The following TTLL11 variants were observed in gnomAD, a reference collection of about 807,000 sequenced individuals.
TTLL11 encodes the protein tubulin tyrosine ligase like 11.
In TTLL11, 42 loss-of-function variants were observed where a neutral mutation model predicts 51.7. That is an observed-to-expected ratio of 0.81 (90% CI 0.64 to 1.05). The LOEUF is 1.05. TTLL11 is among the 50% of genes least tolerant of loss of function. TTLL11 has a pLI of 0.00. For missense variants in TTLL11, 799 were observed against 940.4 expected (o/e 0.85, Z 1.97); for synonymous variants, 381 against 383.5 (o/e 0.99, Z 0.08).
At chr9:121,851,551 T>C (rs1344919678) in intron 8 of TTLL11, among the ~76,000 whole-genome samples, 2 of 152,252 alleles carry the variant, frequency 1.3e-5, no homozygotes, top group African/African-American at 4.8e-5. Context: ...TTGATAAATG[T>C]AGCTGGTGTT....
intron 6 of TTLL11, among the ~76,000 whole-genome samples, chr9:121,880,271 C>T (rs567709186): frequency 9.9e-5 from 15 of 152,272 alleles, no homozygotes; most frequent in African/African-American, 2.9e-4. Context: ...GCACGGTGAA[C>T]AAGGTCCCCA....
chr9:122,011,972 C>A (rs2131750496), intron 3 of TTLL11, among the ~76,000 whole-genome samples: 1 of 152,222 alleles, frequency 6.6e-6, no homozygotes, highest in Admixed American at 6.5e-5. Flanking sequence ...GGGGAAAGGA[C>A]AAGAGAATCC....
chr9:122,052,234 G>C (rs1845180705), intron 1 of TTLL11, among the ~76,000 whole-genome samples: 1 of 152,194 alleles, frequency 6.6e-6, no homozygotes, highest in Admixed American at 6.5e-5. Context: ...GAACAGCACT[G>C]CTCCCCAGAC....
chr9:121,979,980 G>A (rs1842794103), intron 4 of TTLL11, among the ~76,000 whole-genome samples: 1 of 150,412 alleles, frequency 6.6e-6, no homozygotes, highest in South Asian at 2.1e-4. Context: ...TTATTTACTG[G>A]GCACTACTAG....
chr9:122,052,266 C>A (rs1845181653), intron 1 of TTLL11, among the ~76,000 whole-genome samples: 1 of 152,186 alleles, frequency 6.6e-6, no homozygotes. Flanking sequence ...TCCACCCCAA[C>A]TGAGGGGCTC....
rs547166813 is a variant in TTLL11 at position 122,089,956 on chromosome 9, T to C, written c.462+2731A>G. 5.3e-5 allele frequency among the ~76,000 whole-genome samples: 8 copies of C among 152,246 alleles called. No individual in the cohort carries two copies. In the South Asian group the frequency reaches 1.7e-3, roughly 32 times the overall value. ...GGCATGAGCCACCACATTCAGTGAATTATGTTTTAAAATATACTAGAATAA... is the reference window on the plus strand; with the variant it reads ...GGCATGAGCCACCACATTCAGTGAACTATGTTTTAAAATATACTAGAATAA... On this transcript the variant is annotated intron_variant, in intron 1 of 8. Transcript: ENST00000321582.
In TTLL11 at chr9:121,989,883, G is replaced by A. The variant is rs115796331; in HGVS notation, c.694-113C>T. 1.5e-3 allele frequency: 2,289 copies of A among 1,501,358 alleles called. 33 individuals carry two copies. In the African/African-American group the frequency reaches 0.029, roughly 19 times the overall value. 93.0% of individuals were successfully genotyped at this position (1,501,358 alleles called of 1,614,324 possible). On this transcript the variant is annotated intron_variant, in intron 3 of 8. Coordinates refer to ENST00000321582, the MANE Select transcript of TTLL11 (RefSeq NM_001139442.2). This position sits in a 1 kb window ranked among gnomAD's most constrained non-coding sequence, Gnocchi z 4.2. ...AATGAGTGACAAGATGATCCCTGCCGATCTGAGCAGGGGCTGAGCATCTTC... is the reference window on the plus strand; with the variant it reads ...AATGAGTGACAAGATGATCCCTGCCAATCTGAGCAGGGGCTGAGCATCTTC...
chr9:122,023,126 A>G (rs1274181440), intron 3 of TTLL11, among the ~76,000 whole-genome samples: 1 of 152,052 alleles, frequency 6.6e-6, no homozygotes, highest in Non-Finnish European at 1.5e-5. Context: ...ACTAAGAGGT[A>G]TCATTAGTAA....
chr9:121,926,931 TG>T lies in TTLL11; in HGVS notation c.1481+47077del, dbSNP rs1840758468. On this transcript the variant is annotated intron_variant, in intron 6 of 8. Transcript: ENST00000321582. ...GTTCTGACAAGGATCCTCTTGCAAA[TG>T]CAGACAGCCGACTTCTCATGAGAGC... Among the ~76,000 whole-genome samples the T allele has an allele frequency of 2.0e-5, 3 of 152,100 alleles. No individual in the cohort carries two copies. The South Asian group carries it at 6.2e-4, about 32-fold the overall frequency.
At chr9:121,906,339 A>ACTT (rs10661179) in intron 6 of TTLL11, among the ~76,000 whole-genome samples, 80,591 of 142,740 alleles carry the variant, frequency 0.56, 25,364 homozygotes, top group East Asian at 0.72. Flanking sequence ...TTATGTAATA[A>ACTT]TTTTTAAAAA....
At chr9:122,005,959 A>G (rs1479799598) in intron 3 of TTLL11, among the ~76,000 whole-genome samples, 2 of 152,234 alleles carry the variant, frequency 1.3e-5, no homozygotes, top group African/African-American at 4.8e-5. Flanking sequence ...TAACATGAAG[A>G]CAGCCTAGAC....
intron 6 of TTLL11, among the ~76,000 whole-genome samples, chr9:121,911,206 G>A (rs970914877): frequency 6.6e-6 from 1 of 152,116 alleles, no homozygotes; most frequent in African/African-American, 2.4e-5. Flanking sequence ...GACCAGCCTG[G>A]CCAACACAGC....
chr9:121,823,790 T>G (rs578260476), intron 8 of TTLL11, among the ~76,000 whole-genome samples: 4 of 152,330 alleles, frequency 2.6e-5, no homozygotes, highest in Admixed American at 6.5e-5. Context: ...CCAAACCATA[T>G]TCTGGAAAGA....
At chr9:121,934,584 C>T (rs1841123871) in intron 6 of TTLL11, among the ~76,000 whole-genome samples, 1 of 152,180 alleles carries the variant, frequency 6.6e-6, no homozygotes, top group African/African-American at 2.4e-5. Context: ...CACTTAGTTT[C>T]AGGAACATGT....
At chr9:121,904,390 T>A (rs999989522) in intron 6 of TTLL11, among the ~76,000 whole-genome samples, 2 of 152,148 alleles carry the variant, frequency 1.3e-5, no homozygotes, top group Admixed American at 1.3e-4. Context: ...TTAGCCAGTA[T>A]GGTGTCAATC....
chr9:122,076,305 T>C (rs1845857505), intron 1 of TTLL11, among the ~76,000 whole-genome samples: 3 of 152,212 alleles, frequency 2.0e-5, no homozygotes, highest in African/African-American at 7.2e-5. Flanking sequence ...CTGTACATGT[T>C]GGCAGTGGTC....
At chr9:122,028,506 A>C (rs918615057) in intron 3 of TTLL11, among the ~76,000 whole-genome samples, 1 of 152,234 alleles carries the variant, frequency 6.6e-6, no homozygotes, top group Non-Finnish European at 1.5e-5. Context: ...CAAATCATCA[A>C]GCTAATAACG....
intron 1 of TTLL11, among the ~76,000 whole-genome samples, chr9:122,084,120 A>C (rs1469811723): frequency 6.6e-6 from 1 of 152,228 alleles, no homozygotes; most frequent in African/African-American, 2.4e-5. Context: ...ATAAAGAACA[A>C]AATAGGAAAA....
chr9:121,984,402 A>G (rs1842896550), intron 4 of TTLL11, among the ~76,000 whole-genome samples: 1 of 152,232 alleles, frequency 6.6e-6, no homozygotes, highest in African/African-American at 2.4e-5. Context: ...TGTGCTAAAT[A>G]TTCTTCCTAG....
Sources: allele counts gnomAD v4.1 joint callset (sites outside exome capture counted in the v4.1 genomes callset), GRCh38; gene constraint gnomAD v4.1.1; non-coding constraint Gnocchi (gnomAD v3.1); transcripts MANE v1.5; gene names NCBI Gene and HGNC (gene_info 2026-07-23, HGNC 2026-07-21).